SASH1: variants seen among roughly 807,000 people sequenced by gnomAD.
SASH1 encodes SAM and SH3 domain containing 1.
In SASH1, 44 loss-of-function variants were observed where a neutral mutation model predicts 125.2. That is an observed-to-expected ratio of 0.35 (90% CI 0.28 to 0.45). The LOEUF (loss-of-function observed/expected upper bound fraction) is 0.45, where lower values mean the gene tolerates loss of function less well. SASH1 is among the 20% of genes least tolerant of loss of function. The pLI is 1.00. For missense variants in SASH1, 1,426 were observed against 1,614.5 expected, an observed-to-expected ratio of 0.88 and a Z score of 2.00; for synonymous variants, 639 against 649.1, an observed-to-expected ratio of 0.98 and a Z score of 0.24.
intron 1 of SASH1, among the ~76,000 whole-genome samples, chr6:148,387,611 T>C (rs373366693): frequency 0.1 from 2,841 of 28,152 alleles, 199 homozygotes; most frequent in Middle Eastern, 0.23. Context: ...TTTCTTTCTT[T>C]CTTTCTTTCT....
intron 19 of SASH1, among the ~76,000 whole-genome samples, chr6:148,546,491 A>T (rs1322125155): frequency 2.0e-5 from 3 of 152,288 alleles, no homozygotes; most frequent in Admixed American, 6.5e-5. Context: ...CAACATAGTG[A>T]GACCCCATCT....
At chr6:148,442,199 C>T (rs1776573139) in intron 4 of SASH1, among the ~76,000 whole-genome samples, 2 of 152,002 alleles carry the variant, frequency 1.3e-5, no homozygotes, top group African/African-American at 4.8e-5. Flanking sequence ...TCAGCCTGGG[C>T]AACATAGTAA....
intron 10 of SASH1, among the ~76,000 whole-genome samples, chr6:148,521,554 C>G (rs1780812118): frequency 6.6e-6 from 1 of 152,192 alleles, no homozygotes. Flanking sequence ...TATTTTCTGT[C>G]CTTTCATATT....
chr6:148,357,889 G>A (rs939048555), intron 1 of SASH1, among the ~76,000 whole-genome samples: 3 of 151,560 alleles, frequency 2.0e-5, no homozygotes, highest in Non-Finnish European at 2.9e-5. Flanking sequence ...ATGAAACCCC[G>A]TCTCTACTAA....
intron 1 of SASH1, among the ~76,000 whole-genome samples, chr6:148,308,846 G>A (rs551158940): frequency 6.6e-6 from 1 of 151,480 alleles, no homozygotes; most frequent in South Asian, 2.1e-4. Context: ...CACTTTGGGA[G>A]GCCGAGGTGG....
At chr6:148,252,845 T>G in the SASH1 span, among the ~76,000 whole-genome samples, 1 of 152,160 alleles carries the variant, frequency 6.6e-6, no homozygotes, top group East Asian at 1.9e-4. Flanking sequence ...ATCAACCCTA[T>G]TTGGAACACT....
At chr6:148,319,443 C>A (rs1780581205) in intron 1 of SASH1, among the ~76,000 whole-genome samples, 1 of 152,078 alleles carries the variant, frequency 6.6e-6, no homozygotes, top group Non-Finnish European at 1.5e-5. Flanking sequence ...ATTTTAGTTA[C>A]CCACATTTTA....
At chr6:148,514,064 C>T in intron 8 of SASH1, 1 of 1,190,242 alleles carries the variant, frequency 8.4e-7, no homozygotes, top group East Asian at 4.9e-5. Context: ...GAGACAGATG[C>T]CCCCACAGGC....
intron 1 of SASH1, among the ~76,000 whole-genome samples, chr6:148,345,758 G>A (rs2114643450): frequency 6.6e-6 from 1 of 152,232 alleles, no homozygotes; most frequent in African/African-American, 2.4e-5. Context: ...TATCAATCTA[G>A]ACAGGTGAAG....
chr6:148,307,031 TCTTTCTTTC>T (rs1330979700), intron 1 of SASH1, among the ~76,000 whole-genome samples: 1 of 44,058 alleles, frequency 2.3e-5, no homozygotes, highest in East Asian at 6.4e-4. Flanking sequence ...TTCTTTTCTT[TCTTTCTTTC>T]TTTCTTTCTT....
intron 1 of SASH1, among the ~76,000 whole-genome samples, chr6:148,353,558 C>G (rs1404285516): frequency 6.6e-6 from 1 of 151,558 alleles, no homozygotes; most frequent in East Asian, 1.9e-4. Context: ...CCTCAGCCTC[C>G]TGAGTAGCTG....
intron 10 of SASH1, among the ~76,000 whole-genome samples, chr6:148,521,268 T>G (rs1439196472): frequency 1.3e-5 from 2 of 152,266 alleles, no homozygotes; most frequent in African/African-American, 4.8e-5. Context: ...TTGCTTGATC[T>G]GCTCAGGACA....
At chr6:148,438,748 C>CAAAA (rs1776411234) in intron 2 of SASH1, among the ~76,000 whole-genome samples, 1 of 98,158 alleles carries the variant, frequency 1.0e-5, no homozygotes, top group African/African-American at 4.2e-5. Flanking sequence ...AAAAAAAAAC[C>CAAAA]AAAACAAACA....
At chr6:148,307,094 T>TTCTTTCTTTCTCTC (rs1240787953) in intron 1 of SASH1, among the ~76,000 whole-genome samples, 5 of 120,694 alleles carry the variant, frequency 4.1e-5, no homozygotes, top group African/African-American at 1.6e-4. Context: ...CTTTCTTTCT[T>TTCTTTCTTTCTCTC]TCTCTCTCTC....
At chr6:148,368,199 T>G (rs1249385631) in intron 1 of SASH1, among the ~76,000 whole-genome samples, 1 of 152,184 alleles carries the variant, frequency 6.6e-6, no homozygotes, top group Non-Finnish European at 1.5e-5. Context: ...CCAACTGCAG[T>G]GAGCCCGTAC....
intron 1 of SASH1, among the ~76,000 whole-genome samples, chr6:148,358,766 CCCTT>C (rs959906595): frequency 7.9e-6 from 1 of 126,982 alleles, no homozygotes; most frequent in Non-Finnish European, 1.6e-5. Flanking sequence ...GACGGAGTCT[CCCTT>C]CATCACCGAG....
At chr6:148,304,619 A>T (rs1049372517) in intron 1 of SASH1, among the ~76,000 whole-genome samples, 8 of 152,104 alleles carry the variant, frequency 5.3e-5, no homozygotes, top group East Asian at 1.9e-4. Flanking sequence ...CAAATAAAAT[A>T]AAAATTAAAA....
chr6:148,544,029 G>T lies in SASH1; in HGVS notation c.2559G>T (p.Val853=). 5 of 1,614,138 alleles carry T rather than the reference G, an allele frequency of 3.1e-6. No individual in the cohort carries two copies. The highest frequency in any genetic ancestry group is 4.2e-6 in the Non-Finnish European group (5 of 1,180,040). The change falls in exon 18 of 20, where the codon GTG becomes GTT. Residue 853 remains valine (V), a synonymous_variant. Coordinates refer to ENST00000367467, the MANE Select transcript of SASH1 (RefSeq NM_015278.5). This position sits in a 1 kb window ranked among gnomAD's most constrained non-coding sequence, Gnocchi z 6.4. Reference sequence around the variant, plus strand: ...TGGAGCCTGGTGCTGAGCAAGACGTGCCTACCGAGGTGACAGAACCGCCCC... The same window carrying T: ...TGGAGCCTGGTGCTGAGCAAGACGTTCCTACCGAGGTGACAGAACCGCCCC... ...LQVEPGAEQD[V]PTEVTEPPPQ...
At chr6:148,286,847 C>A (rs560163778) in intron 1 of SASH1, among the ~76,000 whole-genome samples, 60 of 152,268 alleles carry the variant, frequency 3.9e-4, no homozygotes, top group African/African-American at 1.3e-3. Context: ...TAACAAATCT[C>A]TAAGCTACTT....
Sources: allele counts gnomAD v4.1 joint callset (sites outside exome capture counted in the v4.1 genomes callset), GRCh38; gene constraint gnomAD v4.1.1; non-coding constraint Gnocchi (gnomAD v3.1); transcripts MANE v1.5; gene names NCBI Gene and HGNC (gene_info 2026-07-23, HGNC 2026-07-21).